PLPP3: variants seen among roughly 807,000 people sequenced by gnomAD.
The protein encoded by PLPP3 is PAP2 beta.
PLPP3 carries 6 observed loss-of-function variants against 29.6 expected under a neutral mutation model. That is an observed-to-expected ratio of 0.20 (90% CI 0.11 to 0.40). PLPP3 has a LOEUF of 0.40. PLPP3 is among the 10% of genes least tolerant of loss of function. PLPP3 has a pLI of 1.00. For missense variants in PLPP3, 308 were observed against 407.7 expected (o/e 0.76, Z 2.11); for synonymous variants, 152 against 159.7 (o/e 0.95, Z 0.36).
rs373137782 is a variant in PLPP3, at chr1:56,574,156, C to T, written c.139+4722G>A. On this transcript the variant is annotated intron_variant, in intron 1 of 5. Coordinates refer to ENST00000371250, the MANE Select transcript of PLPP3 (RefSeq NM_003713.5). ...CAGAGGTTGCAGCGAGCCAAGATCACGCCATTGCACTCTAGCCTGGGTGAC... is the reference window on the plus strand; with the variant it reads ...CAGAGGTTGCAGCGAGCCAAGATCATGCCATTGCACTCTAGCCTGGGTGAC... Among the ~76,000 whole-genome samples, 14 of 151,052 alleles carry T rather than the reference C, an allele frequency of 9.3e-5. No individual in the cohort carries two copies. The East Asian group carries it at 9.8e-4, about 11-fold the overall frequency.
intron 1 of PLPP3, among the ~76,000 whole-genome samples, chr1:56,554,597 T>C (rs1351155721): frequency 2.0e-5 from 3 of 150,260 alleles, no homozygotes; most frequent in Non-Finnish European, 4.4e-5. Context: ...AGAAATACAG[T>C]GTCATATATA....
In PLPP3 at chr1:56,524,481, G is replaced by C. The variant is rs758626117; in HGVS notation, c.371C>G (p.Ala124Gly). The part of the protein sequence containing the change: ...SRSTIQNPYV[A>G]ALYKQVGCFL... ...GCAGCCCACTTGCTTATAGAGTGCT[G>C]CCACGTAGGGGTTCTGAATCGTCGA... The change falls in exon 3 of 6, where the codon GCA becomes GGA. Residue 124 changes from alanine to glycine, a missense_variant. Coordinates refer to ENST00000371250, the MANE Select transcript of PLPP3 (RefSeq NM_003713.5). The surrounding 1 kb of genome is among the most constrained non-coding windows in gnomAD (Gnocchi z 4.3). 2.5e-6 allele frequency: 4 copies of C among 1,613,932 alleles called. No homozygotes were observed. Among genetic ancestry groups the C allele is most frequent in the East Asian group, 2.2e-5 (1 of 44,894 alleles).
At chr1:56,505,729 T>C (rs188690095) in intron 5 of PLPP3, among the ~76,000 whole-genome samples, 105 of 152,326 alleles carry the variant, frequency 6.9e-4, no homozygotes, top group Non-Finnish European at 1.1e-3. Flanking sequence ...ACAAAACATA[T>C]GTTAATTGAC....
intron 2 of PLPP3, 92 bp downstream of exon 2, chr1:56,536,863 G>C: frequency 1.3e-6 from 2 of 1,493,390 alleles, no homozygotes; most frequent in Admixed American, 4.0e-5. Flanking sequence ...GCTTCTACTT[G>C]GTATAAGTCT....
At chr1:56,512,191 C>A in intron 4 of PLPP3, 39 bp from the exon 5 acceptor site, 1 of 1,513,304 alleles carries the variant, frequency 6.6e-7, no homozygotes, top group Non-Finnish European at 8.8e-7. Context: ...CATTAAGTGA[C>A]TCCCCACTCA....
intron 2 of PLPP3, among the ~76,000 whole-genome samples, chr1:56,535,083 C>A (rs1404587982): frequency 1.3e-5 from 2 of 152,106 alleles, no homozygotes; most frequent in Non-Finnish European, 2.9e-5. Context: ...CTGGGCATAC[C>A]ATATGTGCCA....
intron 2 of PLPP3, among the ~76,000 whole-genome samples, chr1:56,532,380 ATT>A (rs1398707071): frequency 6.6e-6 from 1 of 151,786 alleles, no homozygotes; most frequent in Non-Finnish European, 1.5e-5. Context: ...ACAACTGCAC[ATT>A]TTTCAGAGTT....
intron 5 of PLPP3, among the ~76,000 whole-genome samples, chr1:56,507,996 T>A (rs112567935): frequency 6.6e-6 from 1 of 152,224 alleles, no homozygotes; most frequent in African/African-American, 2.4e-5. Flanking sequence ...ATCCTCTAGA[T>A]GGAATGTGTT....
At chr1:56,511,135 T>C (rs906035076) in intron 5 of PLPP3, among the ~76,000 whole-genome samples, 27 of 152,138 alleles carry the variant, frequency 1.8e-4, no homozygotes, top group Non-Finnish European at 2.2e-4. Flanking sequence ...CTCCCCTCAG[T>C]AGGGCCCAGG....
At chr1:56,548,521 G>T (rs958293289) in intron 1 of PLPP3, among the ~76,000 whole-genome samples, 11 of 152,178 alleles carry the variant, frequency 7.2e-5, no homozygotes, top group Admixed American at 7.2e-4. Context: ...GAGATCTAAG[G>T]CTTCTCCATG....
intron 2 of PLPP3, among the ~76,000 whole-genome samples, chr1:56,529,652 C>T (rs6688009): frequency 0.13 from 19,664 of 152,170 alleles, 1,432 homozygotes; most frequent in Non-Finnish European, 0.16. Context: ...CTGGCACTGA[C>T]TGCTCCATCT....
At chr1:56,529,622 G>A (rs1299618881) in intron 2 of PLPP3, among the ~76,000 whole-genome samples, 1 of 152,178 alleles carries the variant, frequency 6.6e-6, no homozygotes, top group African/African-American at 2.4e-5. Flanking sequence ...GATGGAGACA[G>A]ATGTATGGCT....
Position 56,524,832 on chromosome 1 carries a change from G to T in PLPP3, c.298-278C>A, listed in dbSNP as rs1327625814. Among the ~76,000 whole-genome samples the T allele has an allele frequency of 6.9e-6, 1 of 145,976 alleles. No individual in the cohort carries two copies. Among genetic ancestry groups the T allele is most frequent in the Non-Finnish European group, 1.5e-5 (1 of 66,138 alleles). On this transcript the variant is annotated intron_variant, in intron 2 of 5. Coordinates refer to ENST00000371250, the MANE Select transcript of PLPP3 (RefSeq NM_003713.5). This position sits in a 1 kb window ranked among gnomAD's most constrained non-coding sequence, Gnocchi z 4.3. The stretch of plus-strand genomic sequence containing the variant: ...TGTGTGTGTGTGTGTGTGTGTGTGT[G>T]TATCTTTTTTTTTAAGGGAGAGACA...
intron 1 of PLPP3, among the ~76,000 whole-genome samples, chr1:56,559,486 A>T (rs1438349517): frequency 6.6e-6 from 1 of 151,934 alleles, no homozygotes; most frequent in African/African-American, 2.4e-5. Context: ...TCCTGAGCTC[A>T]AGTGATCCTC....
chr1:56,537,180 G>T (rs1402917843), intron 1 of PLPP3, 68 bp from the exon 2 acceptor site: 1 of 1,497,516 alleles, frequency 6.7e-7, no homozygotes, highest in African/African-American at 1.4e-5. Flanking sequence ...AAACATCAGT[G>T]CCAAAGAGGA....
At chr1:56,572,869 A>C (rs2100311318) in intron 1 of PLPP3, among the ~76,000 whole-genome samples, 1 of 152,334 alleles carries the variant, frequency 6.6e-6, no homozygotes, top group Non-Finnish European at 1.5e-5. Context: ...TTTCACAACA[A>C]ACAAGTATTA....
At position 56,552,884 on chromosome 1, in the gene PLPP3, C is replaced by G. The variant is rs202011812; in HGVS notation, c.140-15772G>C. Among the ~76,000 whole-genome samples, 11 of 152,148 alleles carry G rather than the reference C, an allele frequency of 7.2e-5. No homozygotes were observed. In the East Asian group the frequency reaches 1.7e-3, roughly 24 times the overall value. ...GAAAGAGGGGAGTAAAATGCAGAGG[C>G]CCTCTGTGCAGCAGAAAAAGTCCTG... On this transcript the variant is annotated intron_variant, in intron 1 of 5. Transcript: ENST00000371250.
At chr1:56,525,474 A>G (rs1036091929) in intron 2 of PLPP3, among the ~76,000 whole-genome samples, 2 of 152,204 alleles carry the variant, frequency 1.3e-5, no homozygotes, top group African/African-American at 4.8e-5. Context: ...ATTACCTATT[A>G]TATACCAGAC....
chr1:56,521,531 T>C (rs1025803904), intron 4 of PLPP3, among the ~76,000 whole-genome samples: 12 of 152,050 alleles, frequency 7.9e-5, no homozygotes, highest in African/African-American at 2.9e-4. Context: ...GGGGATATAA[T>C]AACATGCTGA....
Sources: gnomAD v4.1 joint callset for allele counts (sites outside exome capture counted in the v4.1 genomes callset) on GRCh38, gnomAD v4.1.1 for gene constraint, Gnocchi (gnomAD v3.1) non-coding constraint, MANE v1.5 for transcripts, NCBI Gene and HGNC (gene_info 2026-07-23, HGNC 2026-07-21) for gene names.